Variants in NAV1 observed in about 807,000 individuals in gnomAD.
The protein encoded by NAV1 is neuron navigator 1.
In NAV1, 18 loss-of-function variants were observed where a neutral mutation model predicts 175.2. The ratio of observed to expected loss-of-function variants is 0.10; its 90% CI spans 0.07 to 0.15. The LOEUF is 0.15. Ranked by LOEUF, NAV1 falls within the 10% of genes least tolerant of loss-of-function variation. The pLI, the probability that NAV1 is intolerant of heterozygous loss-of-function variation, is 1.00. For missense variants in NAV1, 1,731 were observed against 2,436.6 expected, an observed-to-expected ratio of 0.71 and a Z score of 6.10; for synonymous variants, 897 against 978.7, an observed-to-expected ratio of 0.92 and a Z score of 1.56.
chr1:201,539,632 C>T lies in NAV1; in HGVS notation c.-144+290C>T, dbSNP rs1387072325. On this transcript the variant is annotated intron_variant, in intron 1 of 33. Transcript: ENST00000685211. The surrounding 1 kb of genome is among the most constrained non-coding windows in gnomAD (Gnocchi z 5.6). ...CCGGGGGGGCTGCCTAACTTCAGTC[C>T]CTCTGAGCCTCAGTTTCCTTGTTGT... Among the ~76,000 whole-genome samples the T allele has an allele frequency of 6.6e-6, 1 of 152,148 alleles. No individual in the cohort carries two copies.
chr1:201,631,145 C>A lies in NAV1; in HGVS notation c.4+1638C>A, dbSNP rs200314392. The stretch of plus-strand genomic sequence containing the variant: ...TGAGAAACACTGGCTTTCTCCAAGG[C>A]TCCTAGGGAAGAGGAGCAGGGTTCA... On this transcript the variant is annotated intron_variant, in intron 2 of 29. Coordinates refer to the NAV1 transcript ENST00000367302. Among the ~76,000 whole-genome samples the A allele has an allele frequency of 2.0e-5, 3 of 152,196 alleles. No homozygotes were observed. The East Asian group carries it at 5.8e-4, about 29-fold the overall frequency.
chr1:201,728,089 G>A (rs1452666045), intron 3 of NAV1, among the ~76,000 whole-genome samples: 4 of 152,124 alleles, frequency 2.6e-5, no homozygotes, highest in African/African-American at 9.7e-5. Flanking sequence ...GGTCAGATGT[G>A]AACCCCTGGC....
At chr1:201,670,354 C>T (rs1369889422) in intron 1 of NAV1, among the ~76,000 whole-genome samples, 1 of 126,042 alleles carries the variant, frequency 7.9e-6, no homozygotes, top group Non-Finnish European at 1.6e-5. Context: ...GCACTCCAGC[C>T]TGGGCGACAG....
At chr1:201,634,577 C>T (rs535660553) in intron 2 of NAV1, among the ~76,000 whole-genome samples, 1 of 152,194 alleles carries the variant, frequency 6.6e-6, no homozygotes, top group African/African-American at 2.4e-5. Context: ...TCCGAGGTAC[C>T]TGCTGGAGGG....
intron 1 of NAV1, among the ~76,000 whole-genome samples, chr1:201,578,581 G>A (rs979833343): frequency 3.9e-5 from 6 of 152,114 alleles, no homozygotes; most frequent in Admixed American, 3.9e-4. Flanking sequence ...GATAATGAAT[G>A]GCCTCATTAC....
chr1:201,759,725 A>G (rs1033930349), intron 3 of NAV1, among the ~76,000 whole-genome samples: 8 of 152,222 alleles, frequency 5.3e-5, no homozygotes, highest in Non-Finnish European at 1.2e-4. Context: ...AGACTTCTAC[A>G]TGGATTGCTT....
chr1:201,762,275 T>G (rs1352782045), intron 3 of NAV1, among the ~76,000 whole-genome samples: 1 of 152,174 alleles, frequency 6.6e-6, no homozygotes, highest in African/African-American at 2.4e-5. Context: ...ATCCAAGAGG[T>G]CATTCTTAGC....
chr1:201,725,887 G>T (rs1269974600), intron 3 of NAV1, among the ~76,000 whole-genome samples: 1 of 152,228 alleles, frequency 6.6e-6, no homozygotes, highest in Non-Finnish European at 1.5e-5. Context: ...GAGCCCAGGA[G>T]TTGAGGTTGC....
At chr1:201,552,186 G>C (rs930261135) in intron 1 of NAV1, among the ~76,000 whole-genome samples, 1 of 152,218 alleles carries the variant, frequency 6.6e-6, no homozygotes, top group African/African-American at 2.4e-5. Context: ...GGCCGAGTCA[G>C]GGCTGGCATG....
chr1:201,739,815 G>A (rs1571918056), intron 3 of NAV1: 1 of 1,233,532 alleles, frequency 8.1e-7, no homozygotes, highest in Non-Finnish European at 1.0e-6. Flanking sequence ...GGGGAAATGG[G>A]GCTCTGTCAC....
chr1:201,566,164 CT>C (rs1419502218), intron 1 of NAV1, among the ~76,000 whole-genome samples: 9 of 152,300 alleles, frequency 5.9e-5, no homozygotes, highest in Admixed American at 5.9e-4. Flanking sequence ...GATGGTGACG[CT>C]TGCCCACCTC....
At chr1:201,734,518 A>AGAAGAAGAG (rs1315955702) in intron 3 of NAV1, among the ~76,000 whole-genome samples, 1 of 151,536 alleles carries the variant, frequency 6.6e-6, no homozygotes, top group Admixed American at 6.6e-5. Context: ...AAGAAGAAGA[A>AGAAGAAGAG]GAAGAAGAAG....
chr1:201,800,066 C>T (rs183857006), intron 15 of NAV1, among the ~76,000 whole-genome samples: 2 of 151,776 alleles, frequency 1.3e-5, no homozygotes, highest in South Asian at 2.1e-4. Context: ...GTGGTGCTAT[C>T]GCAGCTCACT....
At chr1:201,551,798 TG>T (rs1388418118) in intron 1 of NAV1, among the ~76,000 whole-genome samples, 1 of 152,310 alleles carries the variant, frequency 6.6e-6, no homozygotes. Context: ...AAATTACCAT[TG>T]TGCATGAATT....
intron 1 of NAV1, among the ~76,000 whole-genome samples, chr1:201,679,651 CCTT>C (rs1419742822): frequency 6.6e-6 from 1 of 152,188 alleles, no homozygotes; most frequent in East Asian, 1.9e-4. Context: ...TTTTTGTCCT[CCTT>C]CTGCAAATGA....
chr1:201,627,285 T>G (rs1274316689), intron 1 of NAV1, among the ~76,000 whole-genome samples: 1 of 152,044 alleles, frequency 6.6e-6, no homozygotes, highest in African/African-American at 2.4e-5. Context: ...TTTTCTTTTT[T>G]TTTTTGAAAT....
chr1:201,735,695 G>T (rs1183893301), intron 3 of NAV1, among the ~76,000 whole-genome samples: 1 of 152,202 alleles, frequency 6.6e-6, no homozygotes, highest in Non-Finnish European at 1.5e-5. Flanking sequence ...AGATCACTAG[G>T]TTATTTGAAA....
At chr1:201,586,815 A>C in intron 1 of NAV1, among the ~76,000 whole-genome samples, 1 of 152,180 alleles carries the variant, frequency 6.6e-6, no homozygotes, top group East Asian at 1.9e-4. Flanking sequence ...TAACCACACT[A>C]TAGGTTATGT....
rs562103294 is a variant in NAV1 at position 201,716,758 on chromosome 1, C to T, written c.861-1632C>T. On this transcript the variant is annotated intron_variant, in intron 2 of 29. Coordinates refer to ENST00000367296, the Ensembl canonical transcript of NAV1. Reference sequence around the variant, plus strand: ...GCCAGATGTGCTCATGTGTGCCTGTCGTCCCTGCTACTTTGGGGCTGAGGC... The same window carrying T: ...GCCAGATGTGCTCATGTGTGCCTGTTGTCCCTGCTACTTTGGGGCTGAGGC... Among the ~76,000 whole-genome samples the T allele has an allele frequency of 3.9e-5, 6 of 152,306 alleles. No individual in the cohort carries two copies. The South Asian group carries it at 1.0e-3, about 26-fold the overall frequency.
Sources: allele counts gnomAD v4.1 joint callset (sites outside exome capture counted in the v4.1 genomes callset), GRCh38; gene constraint gnomAD v4.1.1; non-coding constraint Gnocchi (gnomAD v3.1); transcripts MANE v1.5; gene names NCBI Gene and HGNC (gene_info 2026-07-23, HGNC 2026-07-21).